Variants in MOB1B observed in about 807,000 individuals in gnomAD.
MOB1B encodes MOB1 Mps One Binder homolog B.
In MOB1B, 19 loss-of-function variants were observed where a neutral mutation model predicts 24.4. The observed-to-expected ratio is 0.78, with a 90% CI of 0.54 to 1.14. MOB1B has a LOEUF of 1.14. Ranked by LOEUF, MOB1B falls within the 50% of genes most tolerant of loss-of-function variation. The probability of loss-of-function intolerance (pLI) is 0.00; values close to 1 mark genes in which losing one functional copy is unlikely to be tolerated. For synonymous variants in MOB1B, 76 were observed against 82.1 expected (o/e 0.93, Z 0.40); for missense variants, 243 against 259.6 (o/e 0.94, Z 0.44).
chr4:70,982,598 A>G lies in MOB1B; in HGVS notation c.*541A>G, dbSNP rs774170176. 1 of 152,636 alleles carries G rather than the reference A, an allele frequency of 6.6e-6. No homozygotes were observed. Among genetic ancestry groups the G allele is most frequent in the Non-Finnish European group, 1.5e-5 (1 of 68,026 alleles). The allele number at this position is 152,636 out of a possible 1,614,324, so 9.5% of individuals were successfully genotyped here. Reference sequence around the variant, plus strand: ...CCTAAAATGGTGATTTCCAGCCTTTACTGCTTTGAAGAAACAGAATTTGTA... The same window carrying G: ...CCTAAAATGGTGATTTCCAGCCTTTGCTGCTTTGAAGAAACAGAATTTGTA... On this transcript the variant is annotated 3_prime_UTR_variant, in exon 6 of 6. Transcript: ENST00000309395.
chr4:70,905,909 A>G (rs1735717388), intron 1 of MOB1B, among the ~76,000 whole-genome samples: 1 of 151,898 alleles, frequency 6.6e-6, no homozygotes, highest in Non-Finnish European at 1.5e-5. Context: ...ACCCCTAAAA[A>G]TACAAAAATT....
intron 1 of MOB1B, among the ~76,000 whole-genome samples, chr4:70,910,469 A>G (rs1030519113): frequency 2.0e-5 from 3 of 151,682 alleles, no homozygotes; most frequent in Non-Finnish European, 2.9e-5. Context: ...ATGTATATCT[A>G]TATATATATT....
At chr4:70,948,913 C>A (rs952729664) in intron 1 of MOB1B, among the ~76,000 whole-genome samples, 5 of 152,142 alleles carry the variant, frequency 3.3e-5, no homozygotes, top group African/African-American at 7.2e-5. Context: ...TCAGCTTAGG[C>A]TGTGCTTGCC....
intron 5 of MOB1B, among the ~76,000 whole-genome samples, chr4:70,980,266 A>G: frequency 6.6e-6 from 1 of 152,284 alleles, no homozygotes; most frequent in Non-Finnish European, 1.5e-5. Context: ...GTGGTATCCC[A>G]TGTCCAGAAC....
At chr4:70,961,421 A>T (rs1361176372) in intron 2 of MOB1B, among the ~76,000 whole-genome samples, 1 of 152,212 alleles carries the variant, frequency 6.6e-6, no homozygotes, top group African/African-American at 2.4e-5. Flanking sequence ...AATGGCACAC[A>T]ATTTAAAACT....
chr4:70,973,954 C>T (rs1030937103), intron 3 of MOB1B, among the ~76,000 whole-genome samples: 4 of 152,160 alleles, frequency 2.6e-5, no homozygotes, highest in African/African-American at 9.7e-5. Flanking sequence ...CATCTCCTTT[C>T]CCAGGCTCAC....
intron 1 of MOB1B, among the ~76,000 whole-genome samples, chr4:70,937,063 G>A (rs10213008): frequency 0.022 from 3,392 of 151,796 alleles, 94 homozygotes; most frequent in African/African-American, 0.07. Flanking sequence ...GATTACAGGC[G>A]CCCACCACCA....
chr4:70,933,385 A>G (rs775216878), intron 1 of MOB1B, among the ~76,000 whole-genome samples: 11 of 152,178 alleles, frequency 7.2e-5, no homozygotes, highest in Admixed American at 2.0e-4. Flanking sequence ...TAACATTTCT[A>G]TACATAATCC....
chr4:70,982,039 C>T lies in MOB1B; in HGVS notation c.633C>T (p.Leu211=), dbSNP rs1264513923. ...LAPLQELIEK[L]TSKDR The stretch of plus-strand genomic sequence containing the variant: ...CACTCCAAGAACTGATTGAAAAACT[C>T]ACCTCAAAAGACAGATAAAAGGATG... Residue 211 remains leucine, a synonymous_variant, in exon 6 of 6, where the codon CTC becomes CTT. Coordinates refer to ENST00000309395, the MANE Select transcript of MOB1B (RefSeq NM_173468.4). 1 of 1,611,598 alleles carries T rather than the reference C, an allele frequency of 6.2e-7. No homozygotes were observed.
At chr4:70,913,039 T>G (rs202160120) in intron 1 of MOB1B, among the ~76,000 whole-genome samples, 2 of 152,378 alleles carry the variant, frequency 1.3e-5, no homozygotes, top group East Asian at 3.9e-4. Context: ...ATTACAGGTG[T>G]GAGCCACCGG....
chr4:70,963,400 A>G (rs1393677088), intron 2 of MOB1B, among the ~76,000 whole-genome samples: 2 of 152,200 alleles, frequency 1.3e-5, no homozygotes, highest in Non-Finnish European at 2.9e-5. Context: ...AAACGTAAGG[A>G]GAGAAGAAGA....
intron 1 of MOB1B, among the ~76,000 whole-genome samples, chr4:70,922,441 A>G (rs908373665): frequency 2.6e-5 from 4 of 152,158 alleles, no homozygotes; most frequent in Non-Finnish European, 5.9e-5. Flanking sequence ...AGGCAGGACA[A>G]TTCGAGGTGG....
At chr4:70,937,445 C>G (rs1156480968) in intron 1 of MOB1B, among the ~76,000 whole-genome samples, 1 of 151,830 alleles carries the variant, frequency 6.6e-6, no homozygotes, top group Non-Finnish European at 1.5e-5. Context: ...CTTTATCTTT[C>G]TGAATTTTCT....
At chr4:70,970,304 CT>C (rs1347904167) in intron 3 of MOB1B, among the ~76,000 whole-genome samples, 1 of 152,118 alleles carries the variant, frequency 6.6e-6, no homozygotes, top group Non-Finnish European at 1.5e-5. Context: ...TTATTCTCTT[CT>C]TCTCTTGGAC....
intron 1 of MOB1B, among the ~76,000 whole-genome samples, chr4:70,909,717 T>A (rs111678876): frequency 1.8e-4 from 28 of 151,870 alleles, no homozygotes; most frequent in African/African-American, 6.5e-4. Context: ...GGTCCAGAGA[T>A]CCTGTCTTAT....
chr4:70,907,688 G>A (rs1735801197), intron 1 of MOB1B, among the ~76,000 whole-genome samples: 2 of 152,092 alleles, frequency 1.3e-5, no homozygotes, highest in South Asian at 4.1e-4. Flanking sequence ...AGCCAGGTGT[G>A]GTGGCGCTCA....
chr4:70,914,554 T>A (rs1360961212), intron 1 of MOB1B, among the ~76,000 whole-genome samples: 8 of 152,232 alleles, frequency 5.3e-5, no homozygotes, highest in Non-Finnish European at 1.2e-4. Context: ...TCCCAGGCAC[T>A]CTCATTGGAC....
At chr4:70,940,675 A>T (rs1350238003) in intron 1 of MOB1B, among the ~76,000 whole-genome samples, 2 of 150,112 alleles carry the variant, frequency 1.3e-5, no homozygotes, top group East Asian at 3.9e-4. Flanking sequence ...TTAGGGCATT[A>T]ATTTTTTTTT....
At chr4:70,934,474 A>G (rs1483448038) in intron 1 of MOB1B, among the ~76,000 whole-genome samples, 1 of 147,168 alleles carries the variant, frequency 6.8e-6, no homozygotes, top group East Asian at 2.1e-4. Flanking sequence ...TTCTTTTGAG[A>G]CCGAGTCTTG....
Sources: gnomAD v4.1 joint callset for allele counts (sites outside exome capture counted in the v4.1 genomes callset) on GRCh38, gnomAD v4.1.1 for gene constraint, MANE v1.5 for transcripts, NCBI Gene and HGNC (gene_info 2026-07-23, HGNC 2026-07-21) for gene names.